Variants in TDRP observed in about 807,000 individuals in gnomAD.
The protein encoded by TDRP is testis development related protein.
In TDRP, 12 loss-of-function variants were observed where a neutral mutation model predicts 10.5. The observed-to-expected ratio is 1.15, with a 90% CI of 0.73 to 1.86. TDRP has a LOEUF of 1.86. Among genes scored for constraint, TDRP ranks in the 40% most tolerant of loss-of-function variants. The probability of loss-of-function intolerance (pLI) is 0.00; values close to 1 mark genes in which losing one functional copy is unlikely to be tolerated. For missense variants in TDRP, 353 were observed against 229.2 expected, an observed-to-expected ratio of 1.54 and a Z score of -3.49; for synonymous variants, 139 against 95.4, an observed-to-expected ratio of 1.46 and a Z score of -2.67.
intron 1 of TDRP, among the ~76,000 whole-genome samples, chr8:497,357 G>C (rs1433347735): frequency 6.6e-6 from 1 of 152,222 alleles, no homozygotes; most frequent in Admixed American, 6.5e-5. Flanking sequence ...TTAGCAAAGA[G>C]ACTGGTGGCA....
intron 1 of TDRP, among the ~76,000 whole-genome samples, chr8:521,823 TATGG>T (rs1801913990): frequency 6.6e-6 from 1 of 152,190 alleles, no homozygotes. Context: ...CTGTGGGTAA[TATGG>T]ACATTTTAAC....
intron 1 of TDRP, among the ~76,000 whole-genome samples, chr8:510,703 T>C (rs1191714436): frequency 6.6e-6 from 1 of 152,250 alleles, no homozygotes; most frequent in Non-Finnish European, 1.5e-5. Flanking sequence ...GAACTTCTTG[T>C]TAGCAAACCC....
chr8:497,483 T>C (rs972658511), intron 1 of TDRP, among the ~76,000 whole-genome samples: 1 of 152,170 alleles, frequency 6.6e-6, no homozygotes, highest in Non-Finnish European at 1.5e-5. Flanking sequence ...TGGGTGCTCC[T>C]AACAGCATAC....
At chr8:533,600 A>C (rs901453025) in intron 1 of TDRP, among the ~76,000 whole-genome samples, 1 of 152,130 alleles carries the variant, frequency 6.6e-6, no homozygotes, top group African/African-American at 2.4e-5. Context: ...CCTCCTCCTT[A>C]AACAGGTAGT....
intron 1 of TDRP, among the ~76,000 whole-genome samples, chr8:535,800 G>GGGCCCACCCGAGGCAGGTCTCAGCA (rs1802333649): frequency 7.1e-6 from 1 of 141,392 alleles, no homozygotes. Context: ...AGGTCTCAGT[G>GGGCCCACCCGAGGCAGGTCTCAGCA]TAGGGGTGGG....
At chr8:542,025 C>A (rs964236229) in intron 1 of TDRP, among the ~76,000 whole-genome samples, 3 of 152,096 alleles carry the variant, frequency 2.0e-5, no homozygotes, top group Admixed American at 2.0e-4. Flanking sequence ...ACATGCCCTC[C>A]AGAGGGTGAA....
At chr8:526,961 C>T (rs941194991) in intron 1 of TDRP, among the ~76,000 whole-genome samples, 8 of 152,048 alleles carry the variant, frequency 5.3e-5, no homozygotes, top group African/African-American at 9.7e-5. Context: ...AACCTAAAGA[C>T]TCAACCAAAT....
At chr8:507,130 C>A (rs573118770) in intron 1 of TDRP, among the ~76,000 whole-genome samples, 4 of 152,120 alleles carry the variant, frequency 2.6e-5, no homozygotes, top group Admixed American at 6.5e-5. Context: ...ACAGGAAGAA[C>A]TGCCACTTTA....
At chr8:529,355 T>A (rs1802122189) in intron 1 of TDRP, among the ~76,000 whole-genome samples, 1 of 152,236 alleles carries the variant, frequency 6.6e-6, no homozygotes, top group South Asian at 2.1e-4. Context: ...ATAGTTTTAG[T>A]TATTTTTATG....
At chr8:512,013 G>C (rs1365211285) in intron 1 of TDRP, among the ~76,000 whole-genome samples, 1 of 151,876 alleles carries the variant, frequency 6.6e-6, no homozygotes, top group African/African-American at 2.4e-5. Context: ...TGGAAAAAGA[G>C]CAAACTAAAC....
chr8:492,627 C>T lies in TDRP; in HGVS notation c.330G>A (p.Glu110=). The change falls in exon 3 of 3, where the codon GAG becomes GAA. Residue 110 remains glutamate, a synonymous_variant. Coordinates refer to ENST00000324079, the MANE Select transcript of TDRP (RefSeq NM_001384899.1). ...SKKPDEIEGW[E]PPKLALEDIS... ...TGTCTTCAAGAGCAAGTTTTGGAGG[C>T]TCCCAACCTTCAATTTCATCTGGTT... 6.2e-7 allele frequency: 1 copy of T among 1,614,048 alleles called. No individual in the cohort carries two copies.
chr8:521,311 G>A (rs1164092959), intron 1 of TDRP, among the ~76,000 whole-genome samples: 2 of 151,812 alleles, frequency 1.3e-5, no homozygotes, highest in Non-Finnish European at 2.9e-5. Flanking sequence ...CAGCTACTTG[G>A]GAGGCTGAGG....
chr8:511,638 G>A (rs1350689067), intron 1 of TDRP, among the ~76,000 whole-genome samples: 1 of 152,162 alleles, frequency 6.6e-6, no homozygotes, highest in Non-Finnish European at 1.5e-5. Flanking sequence ...ACAATAGAAT[G>A]TACATTCTTC....
chr8:499,142 AATT>A (rs953475606), intron 1 of TDRP, among the ~76,000 whole-genome samples: 1 of 152,206 alleles, frequency 6.6e-6, no homozygotes, highest in Non-Finnish European at 1.5e-5. Context: ...TTGAAATATA[AATT>A]ATTACCTAGT....
intron 1 of TDRP, among the ~76,000 whole-genome samples, chr8:508,104 A>G (rs987306134): frequency 6.6e-6 from 1 of 152,196 alleles, no homozygotes; most frequent in African/African-American, 2.4e-5. Context: ...GGAAAGTATG[A>G]TAAAGATGTA....
At chr8:539,410 T>C (rs189389523) in intron 1 of TDRP, among the ~76,000 whole-genome samples, 41 of 152,278 alleles carry the variant, frequency 2.7e-4, no homozygotes, top group Non-Finnish European at 5.3e-4. Flanking sequence ...AAATAAATGT[T>C]TGTTGTTGAA....
chr8:515,779 T>C (rs919689318), intron 1 of TDRP, among the ~76,000 whole-genome samples: 5 of 152,172 alleles, frequency 3.3e-5, no homozygotes, highest in African/African-American at 1.2e-4. Context: ...TATCACTATA[T>C]AATTAAATAA....
At chr8:501,876 G>T (rs535636219) in intron 1 of TDRP, among the ~76,000 whole-genome samples, 29 of 152,270 alleles carry the variant, frequency 1.9e-4, no homozygotes, top group Non-Finnish European at 3.8e-4. Context: ...TGAAGATGAG[G>T]GGAACATGGA....
At position 491,376 on chromosome 8, in the gene TDRP, ACTGG is replaced by A; in HGVS notation, c.*1019_*1022del. On this transcript the variant is annotated 3_prime_UTR_variant, in exon 3 of 3. Coordinates refer to ENST00000324079, the MANE Select transcript of TDRP (RefSeq NM_001384899.1). ...AGAGCCAACCTTCCAGGGACGCATA[ACTGG>A]CACCTGATACTGTGCAGGATCACAT... The A allele has an allele frequency of 2.6e-6, 1 of 380,070 alleles. No individual in the cohort carries two copies. The highest frequency in any genetic ancestry group is 4.6e-6 in the Non-Finnish European group (1 of 215,198). 23.5% of individuals were successfully genotyped at this position (380,070 alleles called of 1,614,324 possible).
Sources: allele counts gnomAD v4.1 joint callset (sites outside exome capture counted in the v4.1 genomes callset), GRCh38; gene constraint gnomAD v4.1.1; transcripts MANE v1.5; gene names NCBI Gene and HGNC (gene_info 2026-07-23, HGNC 2026-07-21).